Variants in AFAP1 observed in about 807,000 individuals in gnomAD.
AFAP1 encodes actin filament-associated protein 1.
Under a neutral mutation model 93.9 loss-of-function variants are expected in AFAP1, and 75 were observed. The observed-to-expected ratio is 0.80, with a 90% CI of 0.66 to 0.97. The LOEUF (loss-of-function observed/expected upper bound fraction) is 0.97, where lower values mean the gene tolerates loss of function less well. Among genes scored for constraint, AFAP1 ranks in the 50% least tolerant of loss-of-function variants. The pLI is 0.00. For synonymous variants in AFAP1, 517 were observed against 430.7 expected, an observed-to-expected ratio of 1.20 and a Z score of -2.48; for missense variants, 1,201 against 1,050.8, an observed-to-expected ratio of 1.14 and a Z score of -1.98.
At chr4:7,767,732 C>G (rs892798943) in intron 17 of AFAP1, among the ~76,000 whole-genome samples, 8 of 152,142 alleles carry the variant, frequency 5.3e-5, no homozygotes, top group African/African-American at 1.9e-4. Context: ...CACTCATTCC[C>G]ATCTCGCAGG....
chr4:7,841,647 T>C (rs1713030045), intron 5 of AFAP1, among the ~76,000 whole-genome samples: 1 of 152,168 alleles, frequency 6.6e-6, no homozygotes, highest in Admixed American at 6.5e-5. Flanking sequence ...TTTATGCCAA[T>C]GGGGGTCATC....
chr4:7,905,995 T>TA (rs1719379768), intron 1 of AFAP1, among the ~76,000 whole-genome samples: 1 of 152,176 alleles, frequency 6.6e-6, no homozygotes, highest in South Asian at 2.1e-4. Flanking sequence ...GGGGGCCTGC[T>TA]GAAATGCCCA....
intron 1 of AFAP1, among the ~76,000 whole-genome samples, chr4:7,892,778 T>G (rs1013583564): frequency 6.6e-6 from 1 of 152,016 alleles, no homozygotes; most frequent in Non-Finnish European, 1.5e-5. Flanking sequence ...CATTTGAGAC[T>G]GCACCCTGAC....
intron 1 of AFAP1, among the ~76,000 whole-genome samples, chr4:7,907,424 C>A (rs901929359): frequency 6.6e-6 from 1 of 152,218 alleles, no homozygotes; most frequent in African/African-American, 2.4e-5. Context: ...TCAGAACTAA[C>A]AGAGGCCTTA....
intron 13 of AFAP1, among the ~76,000 whole-genome samples, chr4:7,780,248 A>T (rs539373817): frequency 6.6e-6 from 1 of 152,230 alleles, no homozygotes; most frequent in African/African-American, 2.4e-5. Flanking sequence ...CTGAATGGGA[A>T]TCCCCAGGGA....
chr4:7,791,831 C>T (rs1717879825), intron 11 of AFAP1, among the ~76,000 whole-genome samples: 1 of 133,978 alleles, frequency 7.5e-6, no homozygotes, highest in South Asian at 2.7e-4. Flanking sequence ...CCAGCCTGGG[C>T]AACCCTTAAT....
intron 3 of AFAP1, among the ~76,000 whole-genome samples, chr4:7,863,261 A>C (rs1020177987): frequency 2.0e-5 from 3 of 152,116 alleles, no homozygotes; most frequent in Admixed American, 6.5e-5. Context: ...TATTAAAAAG[A>C]CAAAAAAATT....
chr4:7,863,534 G>C (rs1364498420), intron 3 of AFAP1, among the ~76,000 whole-genome samples: 3 of 152,204 alleles, frequency 2.0e-5, no homozygotes, highest in Admixed American at 1.3e-4. Flanking sequence ...TGAAAAGCCA[G>C]GGAGATAAAG....
intron 1 of AFAP1, among the ~76,000 whole-genome samples, chr4:7,912,741 T>C (rs576993735): frequency 1.3e-5 from 2 of 152,366 alleles, no homozygotes; most frequent in South Asian, 2.1e-4. Flanking sequence ...TTTTCATCTT[T>C]ATTTTGCATT....
intron 11 of AFAP1, among the ~76,000 whole-genome samples, chr4:7,789,945 A>T (rs1717713649): frequency 6.6e-6 from 1 of 152,188 alleles, no homozygotes; most frequent in African/African-American, 2.4e-5. Context: ...ATATGTTTCG[A>T]TTGTTTACCA....
intron 15 of AFAP1, 48 bp from the exon 16 acceptor site, chr4:7,773,058 C>G (rs912356913): frequency 6.4e-6 from 10 of 1,574,680 alleles, no homozygotes; most frequent in Non-Finnish European, 8.6e-6. Context: ...CACAGGTTCT[C>G]CAAACAACAG....
intron 6 of AFAP1, among the ~76,000 whole-genome samples, chr4:7,825,612 G>C (rs1721353714): frequency 6.6e-6 from 1 of 152,020 alleles, no homozygotes; most frequent in Non-Finnish European, 1.5e-5. Flanking sequence ...GAGACATGTA[G>C]CCTTCAATGC....
chr4:7,868,811 A>C (rs532237097), intron 2 of AFAP1, 92 bp from the exon 3 acceptor site: 1 of 1,071,754 alleles, frequency 9.3e-7, no homozygotes, highest in African/African-American at 1.6e-5. Flanking sequence ...CCTGTGTTGA[A>C]CACTTTGCAA....
chr4:7,830,301 T>TC (rs11389580), intron 6 of AFAP1, among the ~76,000 whole-genome samples: 122,025 of 152,030 alleles, frequency 0.8, 49,173 homozygotes, highest in Admixed American at 0.87. Flanking sequence ...TCTGGCAGAG[T>TC]TGGTGATGCT....
chr4:7,779,185 C>T, intron 13 of AFAP1: 1 of 335,900 alleles, frequency 3.0e-6, no homozygotes, highest in African/African-American at 2.2e-5. Flanking sequence ...CAGCTGACTA[C>T]CCCAGAGCAC....
intron 6 of AFAP1, among the ~76,000 whole-genome samples, chr4:7,834,867 C>T (rs559853513): frequency 3.3e-5 from 5 of 152,280 alleles, no homozygotes; most frequent in East Asian, 3.9e-4. Flanking sequence ...GAATGGACTG[C>T]GGGTGGCCTT....
chr4:7,763,902 A>C (rs1714165127), intron 17 of AFAP1, 111 bp from the exon 18 acceptor site: 5 of 1,014,574 alleles, frequency 4.9e-6, no homozygotes, highest in East Asian at 2.6e-5. Flanking sequence ...GCTACTGCAG[A>C]AAACTCAACA....
chr4:7,769,820 G>T (rs1342249318), intron 16 of AFAP1, among the ~76,000 whole-genome samples: 1 of 152,208 alleles, frequency 6.6e-6, no homozygotes, highest in Non-Finnish European at 1.5e-5. Context: ...GGCAGCTCGG[G>T]GTCCCCTGTG....
At chr4:7,819,872 ACT>A (rs938821832) in intron 6 of AFAP1, among the ~76,000 whole-genome samples, 1 of 152,172 alleles carries the variant, frequency 6.6e-6, no homozygotes, top group Non-Finnish European at 1.5e-5. Flanking sequence ...AAATCAATTA[ACT>A]GCCCTGTGCT....
Sources: allele counts gnomAD v4.1 joint callset (sites outside exome capture counted in the v4.1 genomes callset), GRCh38; gene constraint gnomAD v4.1.1; transcripts MANE v1.5; gene names NCBI Gene and HGNC (gene_info 2026-07-23, HGNC 2026-07-21).